Variants in COL4A1 observed in about 807,000 individuals in gnomAD.
COL4A1 encodes the protein collagen alpha-1(IV) chain.
COL4A1 carries 40 observed loss-of-function variants against 216.6 expected under a neutral mutation model. That is an observed-to-expected ratio of 0.18 (90% CI 0.14 to 0.24). The LOEUF is 0.24. Ranked by LOEUF, COL4A1 falls within the 10% of genes least tolerant of loss-of-function variation. COL4A1 has a pLI of 1.00. For synonymous variants in COL4A1, 839 were observed against 810.7 expected (o/e 1.03, Z -0.59); for missense variants, 1,628 against 2,196.8 (o/e 0.74, Z 5.18).
chr13:110,180,409 T>C (rs1594554290), intron 29 of COL4A1, among the ~76,000 whole-genome samples: 1 of 152,178 alleles, frequency 6.6e-6, no homozygotes, highest in East Asian at 1.9e-4. Flanking sequence ...TGCTGTCAGG[T>C]ATTTCTCCGG....
intron 1 of COL4A1, among the ~76,000 whole-genome samples, chr13:110,285,904 T>C (rs1883827440): frequency 6.6e-6 from 1 of 152,262 alleles, no homozygotes; most frequent in East Asian, 1.9e-4. Context: ...ATTGGTACCT[T>C]TTCTCTGGGA....
chr13:110,219,802 A>G (rs1431213030), intron 2 of COL4A1, among the ~76,000 whole-genome samples: 13 of 141,652 alleles, frequency 9.2e-5, no homozygotes, highest in African/African-American at 2.9e-4. Context: ...GTATATATGT[A>G]TATATGTGTA....
Position 110,307,094 on chromosome 13 carries a change from C to G in COL4A1, c.-67G>C. The G allele has an allele frequency of 7.8e-7, 1 of 1,285,192 alleles. No homozygotes were observed. The highest frequency in any genetic ancestry group is 3.4e-5 in the Admixed American group (1 of 29,744). 79.6% of individuals were successfully genotyped at this position (1,285,192 alleles called of 1,614,324 possible). A position where few individuals can be genotyped will look rare whatever the true frequency, so the allele number is the denominator to read the frequency against. On this transcript the variant is annotated 5_prime_UTR_variant, in exon 1 of 52. Transcript: ENST00000375820. The surrounding 1 kb of genome is among the most constrained non-coding windows in gnomAD (Gnocchi z 5.0). ...CGGGGGCCGCGGCGGACAGCTAGCT[C>G]TCGGAAGGCCGGACTTCCAGCGCTA...
rs542670155 is a variant in COL4A1, at chr13:110,222,437, T to C, written c.145-8422A>G. Among the ~76,000 whole-genome samples the C allele has an allele frequency of 5.2e-3, 786 of 152,064 alleles. 9 individuals carry two copies. The highest frequency in any genetic ancestry group is 0.017 in the African/African-American group (714 of 41,464). On this transcript the variant is annotated intron_variant, in intron 2 of 51. Transcript: ENST00000375820. ...GAGGGAGCTCTGGGACTATACATTT[T>C]CCCCCAAATAAACTAAACCTCCCTG...
chr13:110,167,994 C>A (rs920806774), intron 43 of COL4A1, among the ~76,000 whole-genome samples: 3 of 151,034 alleles, frequency 2.0e-5, no homozygotes, highest in Non-Finnish European at 1.5e-5. Flanking sequence ...CACTGACTGG[C>A]ACCAGGAATG....
chr13:110,253,394 ACATATAATTATATGTATTACAT>A (rs1882312527), intron 1 of COL4A1, among the ~76,000 whole-genome samples: 5 of 2,036 alleles, frequency 2.5e-3, no homozygotes, highest in Non-Finnish European at 8.6e-3. Flanking sequence ...TATTACATAT[ACATATAATTATATGTATTACAT>A]ATACATATAA....
At chr13:110,254,576 C>T (rs531095853) in intron 1 of COL4A1, among the ~76,000 whole-genome samples, 5 of 152,262 alleles carry the variant, frequency 3.3e-5, no homozygotes, top group East Asian at 1.9e-4. Flanking sequence ...TCAAGCATGA[C>T]GGACATGCAA....
rs1566385963 is a variant in COL4A1 at position 110,219,876 on chromosome 13, A to ATGTGTG, written c.145-5862_145-5861insCACACA. On this transcript the variant is annotated intron_variant, in intron 2 of 51. Transcript: ENST00000375820. Reference sequence around the variant, plus strand: ...TATATGTATATATGTGTGTGTATATATGTATATATATGTGTGTATATATAT... The same window carrying ATGTGTG: ...TATATGTATATATGTGTGTGTATATATGTGTGTGTATATATATGTGTGTATATATAT... Among the ~76,000 whole-genome samples, 10 of 118,898 alleles carry ATGTGTG rather than the reference A, an allele frequency of 8.4e-5. No individual in the cohort carries two copies. In the East Asian group the frequency reaches 1.2e-3, roughly 14 times the overall value. The allele number at this position is 118,898 out of a possible 152,430, so 78.0% of individuals were successfully genotyped here. A position where few individuals can be genotyped will look rare whatever the true frequency, so the allele number is the denominator to read the frequency against.
At chr13:110,201,699 G>T in intron 18 of COL4A1, 177 bp from the exon 19 acceptor site, 2 of 762,860 alleles carry the variant, frequency 2.6e-6, no homozygotes, top group Non-Finnish European at 4.8e-6. Flanking sequence ...AAACATATGG[G>T]ACAGGCCGGT....
intron 17 of COL4A1, among the ~76,000 whole-genome samples, 180 bp downstream of exon 17, chr13:110,205,173 T>C (rs1879432786): frequency 6.6e-6 from 1 of 152,204 alleles, no homozygotes; most frequent in African/African-American, 2.4e-5. Context: ...TTTCATATAT[T>C]TTTATTTTGT....
chr13:110,254,914 T>G (rs1389165630), intron 1 of COL4A1, among the ~76,000 whole-genome samples: 1 of 152,238 alleles, frequency 6.6e-6, no homozygotes, highest in Non-Finnish European at 1.5e-5. Context: ...GAGCACTTAC[T>G]ATGTGCTTGC....
At chr13:110,301,292 G>T (rs1884481512) in intron 1 of COL4A1, among the ~76,000 whole-genome samples, 1 of 152,222 alleles carries the variant, frequency 6.6e-6, no homozygotes, top group South Asian at 2.1e-4. Flanking sequence ...CCAATTACAA[G>T]TAATTAATTC....
At chr13:110,200,634 G>C (rs1879146656) in intron 20 of COL4A1, among the ~76,000 whole-genome samples, 1 of 152,082 alleles carries the variant, frequency 6.6e-6, no homozygotes, top group Admixed American at 6.5e-5. Context: ...GAGACATAAG[G>C]GTGTACATGT....
intron 24 of COL4A1, among the ~76,000 whole-genome samples, chr13:110,189,820 A>G (rs914348325): frequency 2.6e-5 from 4 of 152,080 alleles, no homozygotes; most frequent in African/African-American, 9.7e-5. Flanking sequence ...CTTCATTAGG[A>G]CAGTCTATTT....
intron 26 of COL4A1, among the ~76,000 whole-genome samples, chr13:110,185,935 T>A (rs1878380995): frequency 2.0e-5 from 3 of 152,234 alleles, no homozygotes; most frequent in Admixed American, 2.0e-4. Flanking sequence ...CACCATGGAA[T>A]GAAATCGTCA....
intron 1 of COL4A1, among the ~76,000 whole-genome samples, chr13:110,272,835 T>C (rs1252751413): frequency 6.6e-6 from 1 of 152,202 alleles, no homozygotes; most frequent in Non-Finnish European, 1.5e-5. Flanking sequence ...AAGTATGATG[T>C]GGCTGATGTC....
chr13:110,227,141 A>G lies in COL4A1; in HGVS notation c.145-13126T>C, dbSNP rs529692353. Among the ~76,000 whole-genome samples the G allele has an allele frequency of 5.4e-4, 83 of 152,314 alleles. No individual in the cohort carries two copies. The South Asian group carries it at 9.7e-3, about 18-fold the overall frequency. ...TGTAGACGTTTTAAAGATTAAACTT[A>G]CAGTATCATTTCCTGCCTTTTTTTC... On this transcript the variant is annotated intron_variant, in intron 2 of 51. Coordinates refer to ENST00000375820, the MANE Select transcript of COL4A1 (RefSeq NM_001845.6).
At chr13:110,278,918 TC>T (rs1467665989) in intron 1 of COL4A1, among the ~76,000 whole-genome samples, 2 of 152,020 alleles carry the variant, frequency 1.3e-5, no homozygotes, top group African/African-American at 4.8e-5. Flanking sequence ...AAACTACAAA[TC>T]ATGTTTTTTC....
At chr13:110,171,152 G>T (rs1052904681) in intron 41 of COL4A1, among the ~76,000 whole-genome samples, 7 of 152,260 alleles carry the variant, frequency 4.6e-5, no homozygotes. Context: ...ATAGAAAGAA[G>T]TGAGCAACCA....
Sources: gnomAD v4.1 joint callset for allele counts (sites outside exome capture counted in the v4.1 genomes callset) on GRCh38, gnomAD v4.1.1 for gene constraint, Gnocchi (gnomAD v3.1) non-coding constraint, MANE v1.5 for transcripts, NCBI Gene and HGNC (gene_info 2026-07-23, HGNC 2026-07-21) for gene names.